The following PRKD1 variants were observed in gnomAD, a reference collection of about 807,000 sequenced individuals.
PRKD1 encodes the protein protein kinase D1.
A neutral mutation model predicts 95.9 loss-of-function variants in PRKD1; 63 were observed. That is an observed-to-expected ratio of 0.66 (90% confidence interval 0.54 to 0.81). The LOEUF (loss-of-function observed/expected upper bound fraction) is 0.81, where lower values mean the gene tolerates loss of function less well. PRKD1 is among the 30% of genes least tolerant of loss of function. The pLI, the probability that PRKD1 is intolerant of heterozygous loss-of-function variation, is 0.00. For synonymous variants in PRKD1, 425 were observed against 423.1 expected, an observed-to-expected ratio of 1.00 and a Z score of -0.05; for missense variants, 1,048 against 1,165.3, an observed-to-expected ratio of 0.90 and a Z score of 1.47.
rs201010570 is a variant in PRKD1 at position 29,597,590 on chromosome 14, C to A, written c.2335G>T (p.Gly779Cys). 6.2e-7 allele frequency: 1 copy of A among 1,613,900 alleles called. No individual in the cohort carries two copies. Among genetic ancestry groups the A allele is most frequent in the South Asian group, 1.1e-5 (1 of 91,066 alleles). The change falls in exon 16 of 18, where the codon GGC (glycine) becomes TGC (cysteine). Residue 779 changes from glycine to cysteine, a missense_variant. By Grantham distance (159) the Gly-to-Cys change is radical. Coordinates refer to ENST00000331968, the MANE Select transcript of PRKD1 (RefSeq NM_002742.3). ...TCATCTTCATTAAATGGGAATGTGC[C>A]GCTTAGGCTTACATAGATGATGACC... The part of the protein sequence containing the change: ...VGVIIYVSLS[G>C]TFPFNEDEDI...
chr14:29,861,126 G>A (rs1206425874), intron 1 of PRKD1, among the ~76,000 whole-genome samples: 1 of 151,964 alleles, frequency 6.6e-6, no homozygotes, highest in Non-Finnish European at 1.5e-5. Flanking sequence ...AGTACAAATG[G>A]CAAAATTTAG....
intron 2 of PRKD1, among the ~76,000 whole-genome samples, chr14:29,683,696 G>A (rs1883671789): frequency 6.6e-6 from 1 of 152,160 alleles, no homozygotes; most frequent in Non-Finnish European, 1.5e-5. Context: ...GGTAAAATAT[G>A]GGCTGAAAAA....
At chr14:29,833,363 T>C (rs1296196045) in intron 1 of PRKD1, among the ~76,000 whole-genome samples, 2 of 152,126 alleles carry the variant, frequency 1.3e-5, no homozygotes, top group Non-Finnish European at 1.5e-5. Flanking sequence ...CGAAATTCTA[T>C]TCTTTTATAA....
chr14:29,658,285 A>T (rs1004055386), intron 4 of PRKD1, among the ~76,000 whole-genome samples: 1 of 152,106 alleles, frequency 6.6e-6, no homozygotes, highest in Non-Finnish European at 1.5e-5. Context: ...CCTCTAAGTT[A>T]TTGTTTCCCA....
chr14:29,768,064 C>G (rs1265188795), intron 1 of PRKD1, among the ~76,000 whole-genome samples: 1 of 152,156 alleles, frequency 6.6e-6, no homozygotes, highest in Non-Finnish European at 1.5e-5. Context: ...TGATAAACTT[C>G]TGAACGGAGC....
At chr14:29,871,810 G>A (rs1893118782) in intron 1 of PRKD1, among the ~76,000 whole-genome samples, 2 of 152,126 alleles carry the variant, frequency 1.3e-5, no homozygotes, top group Admixed American at 6.5e-5. Context: ...CTTGGGTCAC[G>A]TGTATTAACC....
chr14:29,776,797 C>G (rs1359692000), intron 1 of PRKD1, among the ~76,000 whole-genome samples: 5 of 152,052 alleles, frequency 3.3e-5, no homozygotes, highest in Non-Finnish European at 7.4e-5. Context: ...CAGAGAACAC[C>G]ACAAAGACAA....
intron 1 of PRKD1, among the ~76,000 whole-genome samples, chr14:29,739,177 C>T (rs368659710): frequency 1.7e-4 from 26 of 152,282 alleles, no homozygotes; most frequent in African/African-American, 6.0e-4. Flanking sequence ...CAGGTGTCTA[C>T]CAACTTCAGA....
intron 1 of PRKD1, among the ~76,000 whole-genome samples, chr14:29,776,596 A>G (rs1888768138): frequency 6.6e-6 from 1 of 152,206 alleles, no homozygotes; most frequent in African/African-American, 2.4e-5. Context: ...GTTTAGAGAA[A>G]AAGGAGTAAA....
chr14:29,612,753 A>G (rs12431960), intron 13 of PRKD1, among the ~76,000 whole-genome samples: 79,897 of 152,104 alleles, frequency 0.53, 21,756 homozygotes, highest in East Asian at 0.68. Context: ...AAAAGACAGT[A>G]CGATTTCCTT....
intron 16 of PRKD1, among the ~76,000 whole-genome samples, chr14:29,596,950 T>C (rs2139005514): frequency 6.6e-6 from 1 of 152,192 alleles, no homozygotes; most frequent in Non-Finnish European, 1.5e-5. Context: ...TCATCAGAGA[T>C]ATATATAGGA....
intron 1 of PRKD1, among the ~76,000 whole-genome samples, chr14:29,808,431 C>CTTTTTTTTT (rs1566612806): frequency 3.0e-5 from 2 of 65,764 alleles, no homozygotes; most frequent in African/African-American, 5.9e-5. Flanking sequence ...GGGAGTTTTG[C>CTTTTTTTTT]TCTTGTCGCC....
chr14:29,800,076 C>T (rs147338169), intron 1 of PRKD1, among the ~76,000 whole-genome samples: 47 of 152,010 alleles, frequency 3.1e-4, no homozygotes, highest in African/African-American at 1.0e-3. Flanking sequence ...TGGGTTTGAC[C>T]GCTATTGACC....
intron 1 of PRKD1, among the ~76,000 whole-genome samples, chr14:29,775,954 A>G (rs1264259388): frequency 6.6e-6 from 1 of 152,124 alleles, no homozygotes; most frequent in Non-Finnish European, 1.5e-5. Context: ...AAGCTTCCAG[A>G]GGAACAATCA....
At chr14:29,600,467 C>T (rs1241177843) in intron 13 of PRKD1, among the ~76,000 whole-genome samples, 1 of 152,096 alleles carries the variant, frequency 6.6e-6, no homozygotes, top group Admixed American at 6.6e-5. Flanking sequence ...CTGTGTGGGT[C>T]CACTTACATG....
chr14:29,888,125 A>T (rs1438490787), intron 1 of PRKD1, among the ~76,000 whole-genome samples: 2 of 152,056 alleles, frequency 1.3e-5, no homozygotes, highest in Non-Finnish European at 2.9e-5. Context: ...ACATAGGGAG[A>T]GCCCATCCCT....
intron 1 of PRKD1, among the ~76,000 whole-genome samples, chr14:29,806,687 T>G (rs535973086): frequency 2.0e-5 from 3 of 152,200 alleles, no homozygotes; most frequent in African/African-American, 4.8e-5. Flanking sequence ...ACTGAAAACT[T>G]AAAGAAAAGA....
chr14:29,730,652 G>A (rs1409265406), intron 1 of PRKD1, among the ~76,000 whole-genome samples: 1 of 152,020 alleles, frequency 6.6e-6, no homozygotes, highest in Non-Finnish European at 1.5e-5. Flanking sequence ...AATATATATA[G>A]AAAATGTGGT....
At chr14:29,800,225 A>G (rs1308250104) in intron 1 of PRKD1, among the ~76,000 whole-genome samples, 5 of 152,200 alleles carry the variant, frequency 3.3e-5, no homozygotes, top group Non-Finnish European at 5.9e-5. Flanking sequence ...AGTATTTGCT[A>G]ACTAAGATGA....
Sources: gnomAD v4.1 joint callset for allele counts (sites outside exome capture counted in the v4.1 genomes callset) on GRCh38, gnomAD v4.1.1 for gene constraint, MANE v1.5 for transcripts, NCBI Gene and HGNC (gene_info 2026-07-23, HGNC 2026-07-21) for gene names.